The following NKAIN3 variants were observed in gnomAD, a reference collection of about 807,000 sequenced individuals.
NKAIN3 encodes sodium/potassium transporting ATPase interacting 3.
Under a neutral mutation model 30.2 loss-of-function variants are expected in NKAIN3, and 25 were observed. That is an observed-to-expected ratio of 0.83 (90% CI 0.60 to 1.16). The LOEUF (loss-of-function observed/expected upper bound fraction) is 1.16, where lower values mean the gene tolerates loss of function less well. Ranked by LOEUF, NKAIN3 falls within the 50% of genes most tolerant of loss-of-function variation. NKAIN3 has a pLI of 0.00. For synonymous variants in NKAIN3, 91 were observed against 89.6 expected, an observed-to-expected ratio of 1.02 and a Z score of -0.09; for missense variants, 225 against 254.1, an observed-to-expected ratio of 0.89 and a Z score of 0.78.
At chr8:62,258,512 A>T (rs1300760689) in intron 1 of NKAIN3, among the ~76,000 whole-genome samples, 1 of 151,254 alleles carries the variant, frequency 6.6e-6, no homozygotes, top group African/African-American at 2.4e-5. Flanking sequence ...TAAAATATAG[A>T]TGGTTGTGGT....
intron 4 of NKAIN3, among the ~76,000 whole-genome samples, chr8:62,759,791 T>C (rs1380798300): frequency 6.6e-6 from 1 of 152,036 alleles, no homozygotes; most frequent in African/African-American, 2.4e-5. Flanking sequence ...CTAAAGAGGT[T>C]CTGCACAGCA....
chr8:62,851,501 G>A (rs1225474526), intron 4 of NKAIN3, among the ~76,000 whole-genome samples: 1 of 152,178 alleles, frequency 6.6e-6, no homozygotes, highest in East Asian at 1.9e-4. Context: ...ATTTTTAATA[G>A]GAGTGGTGAG....
At chr8:62,894,293 C>T (rs1340261075) in intron 4 of NKAIN3, among the ~76,000 whole-genome samples, 1 of 152,078 alleles carries the variant, frequency 6.6e-6, no homozygotes, top group African/African-American at 2.4e-5. Flanking sequence ...TATAATGAAG[C>T]TGGGTCCATT....
intron 1 of NKAIN3, among the ~76,000 whole-genome samples, chr8:62,454,551 A>C (rs971875700): frequency 1.3e-5 from 2 of 152,166 alleles, no homozygotes; most frequent in Admixed American, 6.5e-5. Flanking sequence ...ACTGTCATTC[A>C]TGCCCACATG....
chr8:62,400,246 A>G (rs1195325293), intron 1 of NKAIN3, among the ~76,000 whole-genome samples: 1 of 149,252 alleles, frequency 6.7e-6, no homozygotes, highest in Non-Finnish European at 1.5e-5. Context: ...GCTCTCAGCA[A>G]CCTCTGCCTC....
At chr8:62,995,452 G>C (rs972384397) in intron 5 of NKAIN3, among the ~76,000 whole-genome samples, 2 of 152,224 alleles carry the variant, frequency 1.3e-5, no homozygotes, top group Admixed American at 1.3e-4. Flanking sequence ...CTGCTCAGCT[G>C]GTGCCTGAGA....
chr8:62,839,319 A>G (rs1433230133), intron 4 of NKAIN3, among the ~76,000 whole-genome samples: 1 of 151,926 alleles, frequency 6.6e-6, no homozygotes, highest in African/African-American at 2.4e-5. Flanking sequence ...AAAAAAAACA[A>G]AAACGACTTT....
chr8:62,787,828 C>T (rs1817572665), intron 4 of NKAIN3, among the ~76,000 whole-genome samples: 1 of 151,916 alleles, frequency 6.6e-6, no homozygotes, highest in Non-Finnish European at 1.5e-5. Flanking sequence ...TGGTTTCCAG[C>T]TTCATCCATG....
At position 62,606,517 on chromosome 8, in the gene NKAIN3, G is replaced by GA. The variant is rs199558945; in HGVS notation, c.273+16731dup. On this transcript the variant is annotated intron_variant, in intron 3 of 6. Coordinates refer to ENST00000623646, the MANE Select transcript of NKAIN3 (RefSeq NM_001304533.3). ...ATCCCCTTAAGAAAGTATGCTGCTG[G>GA]AAAAAAAATGGCATAAAGAAGTCCT... Among the ~76,000 whole-genome samples the GA allele has an allele frequency of 7.8e-3, 1,177 of 151,796 alleles. 5 individuals carry two copies. Among genetic ancestry groups the GA allele is most frequent in the Non-Finnish European group, 0.011 (753 of 67,902 alleles).
At chr8:62,871,650 C>A (rs763346971) in intron 4 of NKAIN3, among the ~76,000 whole-genome samples, 2 of 152,202 alleles carry the variant, frequency 1.3e-5, no homozygotes, top group South Asian at 2.1e-4. Flanking sequence ...GGGGGCCAAG[C>A]CCAAGGAAGA....
intron 1 of NKAIN3, among the ~76,000 whole-genome samples, chr8:62,334,728 G>C (rs919701761): frequency 7.2e-5 from 11 of 152,058 alleles, no homozygotes; most frequent in Non-Finnish European, 1.6e-4. Flanking sequence ...AAATTTGGAT[G>C]GGGTTTGGCT....
exon 6 of NKAIN3, chr8:62,999,566 T>C (rs1412371767): frequency 1.1e-4 from 17 of 152,226 alleles, no homozygotes; most frequent in Admixed American, 1.1e-3. Flanking sequence ...TTGCAGATAT[T>C]TTCTTCCATC....
intron 4 of NKAIN3, among the ~76,000 whole-genome samples, chr8:62,824,782 A>C (rs1871571): frequency 0.88 from 133,245 of 151,974 alleles, 58,522 homozygotes; most frequent in Admixed American, 0.9. Context: ...ATCTACCACT[A>C]TTTAACCCAC....
rs1817836332 is a variant in NKAIN3, at chr8:62,398,487, T to C, written c.54+149360T>C. 2.6e-5 allele frequency among the ~76,000 whole-genome samples: 4 copies of C among 152,222 alleles called. No homozygotes were observed. The South Asian group carries it at 6.2e-4, about 24-fold the overall frequency. On this transcript the variant is annotated intron_variant, in intron 1 of 6. Coordinates refer to ENST00000623646, the MANE Select transcript of NKAIN3 (RefSeq NM_001304533.3). ...CAGTTCTGCAAGAACTTCCATTGCA[T>C]AGGCAGATTTCATGTAAGCTGTTGA...
At chr8:62,858,381 G>A (rs186913018) in intron 4 of NKAIN3, among the ~76,000 whole-genome samples, 7 of 152,264 alleles carry the variant, frequency 4.6e-5, no homozygotes, top group East Asian at 1.9e-4. Flanking sequence ...TTTTGATAGA[G>A]CAGCATGCGT....
chr8:62,714,490 T>C (rs1448121361), intron 3 of NKAIN3, among the ~76,000 whole-genome samples: 1 of 152,150 alleles, frequency 6.6e-6, no homozygotes, highest in Non-Finnish European at 1.5e-5. Flanking sequence ...CCAGAAAATC[T>C]GCTAAACACT....
intron 1 of NKAIN3, among the ~76,000 whole-genome samples, chr8:62,464,365 A>G (rs888213780): frequency 6.6e-6 from 1 of 152,212 alleles, no homozygotes; most frequent in African/African-American, 2.4e-5. Flanking sequence ...TCATCAAATA[A>G]TTATCAATGT....
At chr8:62,838,186 G>A (rs1819427987) in intron 4 of NKAIN3, among the ~76,000 whole-genome samples, 1 of 150,834 alleles carries the variant, frequency 6.6e-6, no homozygotes, top group African/African-American at 2.4e-5. Flanking sequence ...ATATACTCAA[G>A]CATATTGCAG....
At chr8:62,791,933 G>T (rs1817711763) in intron 4 of NKAIN3, among the ~76,000 whole-genome samples, 1 of 152,058 alleles carries the variant, frequency 6.6e-6, no homozygotes, top group Non-Finnish European at 1.5e-5. Context: ...TATATTCAAG[G>T]TGTACAACCT....
Sources: allele counts gnomAD v4.1 joint callset (sites outside exome capture counted in the v4.1 genomes callset), GRCh38; gene constraint gnomAD v4.1.1; transcripts MANE v1.5; gene names NCBI Gene and HGNC (gene_info 2026-07-23, HGNC 2026-07-21).